The following FAM117B variants were observed in gnomAD, a reference collection of about 807,000 sequenced individuals.
FAM117B encodes protein FAM117B.
FAM117B carries 22 observed loss-of-function variants against 52.8 expected under a neutral mutation model. The observed-to-expected ratio is 0.42, with a 90% CI of 0.30 to 0.59. The LOEUF is 0.59. FAM117B is among the 20% of genes least tolerant of loss of function. FAM117B has a pLI of 0.22. For synonymous variants in FAM117B, 309 were observed against 324.1 expected, an observed-to-expected ratio of 0.95 and a Z score of 0.50; for missense variants, 678 against 802.6, an observed-to-expected ratio of 0.84 and a Z score of 1.88.
At chr2:202,684,941 C>G (rs1172492911) in intron 1 of FAM117B, among the ~76,000 whole-genome samples, 1 of 151,832 alleles carries the variant, frequency 6.6e-6, no homozygotes, top group Non-Finnish European at 1.5e-5. Flanking sequence ...ATCTGTTACT[C>G]GATTATCTAA....
chr2:202,746,996 T>C (rs909815725), intron 4 of FAM117B, among the ~76,000 whole-genome samples: 1 of 147,132 alleles, frequency 6.8e-6, no homozygotes, highest in Admixed American at 6.8e-5. Flanking sequence ...TATGGGCCAG[T>C]ATCCCTATTG....
At chr2:202,726,147 A>C in intron 3 of FAM117B, 103 bp from the exon 4 acceptor site, 1 of 702,948 alleles carries the variant, frequency 1.4e-6, no homozygotes, top group South Asian at 1.9e-5. Context: ...AAAAATTCAA[A>C]GGACTTATTA....
intron 7 of FAM117B, among the ~76,000 whole-genome samples, chr2:202,763,643 G>A (rs1691932904): frequency 6.6e-6 from 1 of 152,118 alleles, no homozygotes; most frequent in Admixed American, 6.5e-5. Context: ...GTTCTTATCA[G>A]TAATATATCC....
intron 2 of FAM117B, among the ~76,000 whole-genome samples, chr2:202,724,480 A>G (rs1691206393): frequency 6.6e-6 from 1 of 152,180 alleles, no homozygotes; most frequent in Non-Finnish European, 1.5e-5. Context: ...GGCAACTTAC[A>G]TGTGTTAAGT....
chr2:202,650,450 T>C (rs577994509), intron 1 of FAM117B, among the ~76,000 whole-genome samples: 2 of 152,138 alleles, frequency 1.3e-5, no homozygotes, highest in South Asian at 4.1e-4. Flanking sequence ...ATGGAAAATT[T>C]GGACGATAAA....
At chr2:202,643,502 C>G (rs1460690986) in intron 1 of FAM117B, among the ~76,000 whole-genome samples, 1 of 152,128 alleles carries the variant, frequency 6.6e-6, no homozygotes, top group African/African-American at 2.4e-5. Flanking sequence ...GCAAAAATAG[C>G]ATGCTTGTCT....
rs1689665136 is a variant in FAM117B, at chr2:202,635,450, C to T, written c.263C>T (p.Ala88Val). ...GGGGGGGPRT[A>V]SRSTSPTRGG... ...GGCGGCGGCGGTGGCCCGCGCACCG[C>T]CTCGCGCAGCACCAGCCCCACGCGC... is the stretch of plus-strand genomic sequence containing the variant. The change falls in exon 1 of 8, where the codon GCC (alanine) becomes GTC (valine). Residue 88 changes from alanine (A) to valine (V), a missense_variant. By Grantham distance (64) the Ala-to-Val change is moderately conservative. Transcript: ENST00000392238. 1 of 1,174,610 alleles carries T rather than the reference C, an allele frequency of 8.5e-7. No individual in the cohort carries two copies. The highest frequency in any genetic ancestry group is 3.4e-4 in the Middle Eastern group (1 of 2,922). The allele number at this position is 1,174,610 out of a possible 1,614,324, so 72.8% of individuals were successfully genotyped here. A position where few individuals can be genotyped will look rare whatever the true frequency, so the allele number is the denominator to read the frequency against.
At chr2:202,649,048 G>A (rs1298120452) in intron 1 of FAM117B, among the ~76,000 whole-genome samples, 7 of 152,130 alleles carry the variant, frequency 4.6e-5, no homozygotes, top group East Asian at 1.9e-4. Flanking sequence ...CACCGTGCCC[G>A]GCTGACAAAT....
At chr2:202,645,564 C>T (rs1001991419) in intron 1 of FAM117B, among the ~76,000 whole-genome samples, 9 of 150,926 alleles carry the variant, frequency 6.0e-5, no homozygotes, top group Admixed American at 2.0e-4. Context: ...GCTGGGATTA[C>T]AGGCGTGAGT....
intron 1 of FAM117B, among the ~76,000 whole-genome samples, chr2:202,672,766 G>A (rs1690318441): frequency 6.6e-6 from 1 of 152,118 alleles, no homozygotes; most frequent in South Asian, 2.1e-4. Flanking sequence ...TGGGTGTGGT[G>A]GCTCATGCCT....
chr2:202,689,365 C>T (rs911416068), intron 1 of FAM117B, among the ~76,000 whole-genome samples: 1 of 152,104 alleles, frequency 6.6e-6, no homozygotes, highest in Non-Finnish European at 1.5e-5. Context: ...TCACTTGAAC[C>T]TGCGAGGCTT....
chr2:202,724,092 C>G (rs968483377), intron 2 of FAM117B, among the ~76,000 whole-genome samples: 1 of 74,430 alleles, frequency 1.3e-5, no homozygotes, highest in East Asian at 2.9e-4. Flanking sequence ...GAGCCTCCCT[C>G]TGTCATCCAG....
rs924056056 is a variant in FAM117B at position 202,635,031 on chromosome 2, T to A, written c.-157T>A. Among the ~76,000 whole-genome samples the A allele has an allele frequency of 6.9e-6, 1 of 145,590 alleles. No individual in the cohort carries two copies. The highest frequency in any genetic ancestry group is 2.5e-5 in the African/African-American group (1 of 39,254). On this transcript the variant is annotated 5_prime_UTR_variant, in exon 1 of 8. The change creates a premature stop within an existing upstream ORF in the 5' untranslated region. Transcript: ENST00000392238. Reference sequence around the variant, plus strand: ...GGCGGCGGCGGCTGCACCACCTCGTTGCTGCCTGCCCCGGCCCGGTCTCCC... The same window carrying A: ...GGCGGCGGCGGCTGCACCACCTCGTAGCTGCCTGCCCCGGCCCGGTCTCCC...
chr2:202,685,463 A>G (rs945083647), intron 1 of FAM117B, among the ~76,000 whole-genome samples: 5 of 152,218 alleles, frequency 3.3e-5, no homozygotes, highest in Admixed American at 2.0e-4. Flanking sequence ...CATAAGATCA[A>G]GAACAACTAA....
At chr2:202,707,923 A>G (rs1304657762) in intron 2 of FAM117B, among the ~76,000 whole-genome samples, 1 of 151,826 alleles carries the variant, frequency 6.6e-6, no homozygotes, top group Non-Finnish European at 1.5e-5. Context: ...GTGTGCCAGC[A>G]TGCCCAGCTC....
At chr2:202,674,351 T>C (rs1056187335) in intron 1 of FAM117B, among the ~76,000 whole-genome samples, 14 of 152,248 alleles carry the variant, frequency 9.2e-5, no homozygotes, top group African/African-American at 1.4e-4. Context: ...TCCGTACATA[T>C]ATGTTTTCAC....
chr2:202,669,371 C>T (rs1209769002), intron 1 of FAM117B, among the ~76,000 whole-genome samples: 1 of 152,088 alleles, frequency 6.6e-6, no homozygotes, highest in African/African-American at 2.4e-5. Flanking sequence ...TATTTATCAC[C>T]AGGCTTTTCA....
At chr2:202,667,117 T>C (rs1194575727) in intron 1 of FAM117B, among the ~76,000 whole-genome samples, 2 of 152,084 alleles carry the variant, frequency 1.3e-5, no homozygotes, top group Non-Finnish European at 2.9e-5. Flanking sequence ...TTTCTTTTTT[T>C]TGAGATGGAG....
chr2:202,715,611 C>CAG (rs1437026585), intron 2 of FAM117B, among the ~76,000 whole-genome samples: 10 of 151,604 alleles, frequency 6.6e-5, no homozygotes, highest in African/African-American at 1.9e-4. Flanking sequence ...GGCAGCCAGG[C>CAG]AGAGGGGCTC....
Sources: gnomAD v4.1 joint callset for allele counts (sites outside exome capture counted in the v4.1 genomes callset) on GRCh38, gnomAD v4.1.1 for gene constraint, MANE v1.5 for transcripts, NCBI Gene and HGNC (gene_info 2026-07-23, HGNC 2026-07-21) for gene names.